Variants in ARID5B observed in about 807,000 individuals in gnomAD.
ARID5B encodes AT-rich interactive domain-containing protein 5B.
ARID5B carries 13 observed loss-of-function variants against 97.2 expected under a neutral mutation model. The ratio of observed to expected loss-of-function variants is 0.13; its 90% confidence interval spans 0.09 to 0.21. The LOEUF (loss-of-function observed/expected upper bound fraction) is 0.21. Ranked by LOEUF, ARID5B falls within the 10% of genes least tolerant of loss-of-function variation. The pLI is 1.00. For missense variants in ARID5B, 1,210 were observed against 1,465.3 expected (o/e 0.83, Z 2.84); for synonymous variants, 556 against 570.3 (o/e 0.97, Z 0.36).
At chr10:61,943,257 C>T (rs1201883829) in intron 3 of ARID5B, among the ~76,000 whole-genome samples, 1 of 152,148 alleles carries the variant, frequency 6.6e-6, no homozygotes, top group Admixed American at 6.5e-5. Flanking sequence ...TCTCTTCAGC[C>T]TCTTCTATAA....
At position 62,092,710 on chromosome 10, in the gene ARID5B, T is replaced by G. The variant is rs1285964900; in HGVS notation, c.3247T>G (p.Ser1083Ala). 6.2e-7 allele frequency: 1 copy of G among 1,614,100 alleles called. No homozygotes were observed. The highest frequency in any genetic ancestry group is 1.1e-5 in the South Asian group (1 of 91,076). The change falls in exon 10 of 10, where the codon TCC becomes GCC. Residue 1083 changes from serine to alanine, a missense_variant. By Grantham distance (99) the Ser-to-Ala change is moderately conservative. Transcript: ENST00000279873. ...LSSPIFPGLY[S>A]GSLCNSGLNS... ...CTCCCCTATCTTCCCAGGTCTGTATTCCGGGAGCCTGTGTAACTCGGGCCT... is the reference window on the plus strand; with the variant it reads ...CTCCCCTATCTTCCCAGGTCTGTATGCCGGGAGCCTGTGTAACTCGGGCCT...
intron 7 of ARID5B, among the ~76,000 whole-genome samples, chr10:62,066,836 T>G (rs187949882): frequency 2.8e-4 from 43 of 152,320 alleles, no homozygotes; most frequent in Admixed American, 9.8e-4. Flanking sequence ...GCTCATCAGT[T>G]TTCACAATTT....
At position 62,027,285 on chromosome 10, in the gene ARID5B, C is replaced by CT. The variant is rs777291593; in HGVS notation, c.734-23562dup. Among the ~76,000 whole-genome samples, 35 of 67,406 alleles carry CT rather than the reference C, an allele frequency of 5.2e-4. 3 individuals are homozygous for CT. Among genetic ancestry groups the CT allele is most frequent in the African/African-American group, 6.9e-4 (12 of 17,408 alleles). 44.2% of individuals were successfully genotyped at this position (67,406 alleles called of 152,430 possible). On this transcript the variant is annotated intron_variant, in intron 4 of 9. Coordinates refer to ENST00000279873, the MANE Select transcript of ARID5B (RefSeq NM_032199.3). ...TGATGCATTAGCCTCACAGTATCTC[C>CT]TTTTTTTTTTTTTTTTTTTTTTTTT...
intron 4 of ARID5B, among the ~76,000 whole-genome samples, chr10:62,034,865 G>T (rs988678432): frequency 6.6e-6 from 1 of 152,130 alleles, no homozygotes; most frequent in Non-Finnish European, 1.5e-5. Context: ...CAGAGATGGG[G>T]TTCCTTAAAA....
intron 3 of ARID5B, among the ~76,000 whole-genome samples, chr10:61,958,377 C>T (rs576535366): frequency 4.6e-5 from 7 of 152,030 alleles, no homozygotes; most frequent in East Asian, 1.9e-4. Context: ...TACAGGTGCC[C>T]GCCACCGCGC....
At chr10:62,050,781 A>C (rs1370072032) in intron 4 of ARID5B, 107 bp from the exon 5 acceptor site, 1 of 942,292 alleles carries the variant, frequency 1.1e-6, no homozygotes, top group Non-Finnish European at 1.6e-6. Context: ...AGATCTGTAC[A>C]TTTCTCTGAA....
At chr10:61,951,494 G>C (rs540533554) in intron 3 of ARID5B, among the ~76,000 whole-genome samples, 45 of 152,150 alleles carry the variant, frequency 3.0e-4, no homozygotes, top group Non-Finnish European at 6.2e-4. Context: ...TAGGATCCCT[G>C]TTTCTTTGCA....
In ARID5B at chr10:62,015,421, C is replaced by T. The variant is rs187185055; in HGVS notation, c.733+15100C>T. 6.3e-4 allele frequency among the ~76,000 whole-genome samples: 96 copies of T among 152,284 alleles called. 1 individual carries two copies. The highest frequency in any genetic ancestry group is 2.8e-3 in the Admixed American group (43 of 15,298). ...CTTAAGCTGCAAAGCAGTGCTCTTACGGGTTGTGTTGTGCTTCTTTTCAGT... is the reference window on the plus strand; with the variant it reads ...CTTAAGCTGCAAAGCAGTGCTCTTATGGGTTGTGTTGTGCTTCTTTTCAGT... On this transcript the variant is annotated intron_variant, in intron 4 of 9. Coordinates refer to ENST00000279873, the MANE Select transcript of ARID5B (RefSeq NM_032199.3).
At chr10:61,945,113 A>G (rs192811987) in intron 3 of ARID5B, among the ~76,000 whole-genome samples, 2 of 152,176 alleles carry the variant, frequency 1.3e-5, no homozygotes, top group African/African-American at 4.8e-5. Context: ...TTGGCTCTAC[A>G]TGTAGATCTG....
Position 62,057,254 on chromosome 10 carries a change from T to G in ARID5B, c.984T>G (p.Leu328=). Residue 328 remains leucine, a synonymous_variant, in exon 6 of 10, where the codon CTT becomes CTG. Coordinates refer to ENST00000279873, the MANE Select transcript of ARID5B (RefSeq NM_032199.3). ...ATGAACAAGCCTTCTTGGTGGCACT[T>G]TATAAATACATGAAAGAAAGGAAAA... The part of the protein sequence containing the change: ...RADEQAFLVA[L]YKYMKERKTP... The G allele has an allele frequency of 6.2e-7, 1 of 1,613,880 alleles. No individual in the cohort carries two copies. The highest frequency in any genetic ancestry group is 8.5e-7 in the Non-Finnish European group (1 of 1,179,804).
chr10:61,991,875 C>CA (rs1455898102), intron 3 of ARID5B, among the ~76,000 whole-genome samples: 1 of 151,890 alleles, frequency 6.6e-6, no homozygotes, highest in African/African-American at 2.4e-5. Context: ...ACTAAAAATA[C>CA]AAAAAAATTA....
At chr10:62,016,331 C>G (rs1415298139) in intron 4 of ARID5B, among the ~76,000 whole-genome samples, 1 of 152,142 alleles carries the variant, frequency 6.6e-6, no homozygotes, top group Non-Finnish European at 1.5e-5. Flanking sequence ...TGATATAGAC[C>G]AATGAGGTTC....
chr10:61,912,126 G>T (rs552589693), intron 2 of ARID5B, among the ~76,000 whole-genome samples: 12 of 152,186 alleles, frequency 7.9e-5, no homozygotes, highest in Non-Finnish European at 1.3e-4. Flanking sequence ...ACAGATATTT[G>T]CTAATTAAAG....
intron 4 of ARID5B, among the ~76,000 whole-genome samples, chr10:62,047,200 T>C (rs929831056): frequency 3.3e-5 from 5 of 152,192 alleles, no homozygotes; most frequent in African/African-American, 1.2e-4. Context: ...GATCATGCCT[T>C]CCTCTTTGGC....
rs1312094697 is a variant in ARID5B, at chr10:62,096,744, C to G, written c.*3714C>G. On this transcript the variant is annotated 3_prime_UTR_variant, in exon 10 of 10. Coordinates refer to ENST00000279873, the MANE Select transcript of ARID5B (RefSeq NM_032199.3). ...CCCAATGGAGAGGTTATTGAGTAACCTTTGCATTAGTTTAAACACTACCAG... is the reference window on the plus strand; with the variant it reads ...CCCAATGGAGAGGTTATTGAGTAACGTTTGCATTAGTTTAAACACTACCAG... The G allele has an allele frequency of 1.3e-5, 3 of 233,368 alleles. No homozygotes were observed. Among genetic ancestry groups the G allele is most frequent in the Non-Finnish European group, 2.5e-5 (3 of 117,976 alleles). The allele number at this position is 233,368 out of a possible 1,614,324, so 14.5% of individuals were successfully genotyped here.
Position 62,085,766 on chromosome 10 carries a change from C to A in ARID5B, c.1264C>A (p.Pro422Thr). 1 of 1,613,918 alleles carries A rather than the reference C, an allele frequency of 6.2e-7. No individual in the cohort carries two copies. Among genetic ancestry groups the A allele is most frequent in the Non-Finnish European group, 8.5e-7 (1 of 1,179,962 alleles). Residue 422 changes from proline (P) to threonine (T), a missense_variant, in exon 9 of 10, where the codon CCT becomes ACT. Around this residue, in one of 8 missense-constraint regions of ARID5B, gnomAD observed 59 missense variants for 156.7 expected, o/e 0.38. Coordinates refer to ENST00000279873, the MANE Select transcript of ARID5B (RefSeq NM_032199.3). ...AGATAAGCCCCTGCCTCCAATCAAA[C>A]CTCGGAAACAGGAGAACAGTTCACA... ...EEDKPLPPIK[P>T]RKQENSSQEN...
At position 61,902,317 on chromosome 10, in the gene ARID5B, G is replaced by A. The variant is rs1359082525; in HGVS notation, c.180G>A (p.Leu60=). 2 of 1,614,032 alleles carry A rather than the reference G, an allele frequency of 1.2e-6. No homozygotes were observed. The highest frequency in any genetic ancestry group is 1.3e-5 in the African/African-American group (1 of 74,912). Residue 60 remains leucine (L), a synonymous_variant, in exon 2 of 10, where the codon TTG becomes TTA. Coordinates refer to ENST00000279873, the MANE Select transcript of ARID5B (RefSeq NM_032199.3). ...TTTGCATAGCGGAGCTCCAGCTGTTGTGGGAAGAGAGGACCAGCCGGCAAC... is the reference window on the plus strand; with the variant it reads ...TTTGCATAGCGGAGCTCCAGCTGTTATGGGAAGAGAGGACCAGCCGGCAAC... ...DPICIAELQL[L]WEERTSRQLL...
rs1484432718 is a variant in ARID5B, at chr10:61,934,961, C to T, written c.277-5222C>T. ...CCCGGAGGCGGAGGTTGCAGTGAGC[C>T]GAGATTGCACCATTGCACTCCAGCC... On this transcript the variant is annotated intron_variant, in intron 2 of 9. Transcript: ENST00000279873. 2.7e-5 allele frequency among the ~76,000 whole-genome samples: 4 copies of T among 150,124 alleles called. No individual in the cohort carries two copies. The East Asian group carries it at 5.8e-4, about 22-fold the overall frequency.
chr10:61,904,381 T>C (rs910730911), intron 2 of ARID5B, among the ~76,000 whole-genome samples: 1 of 152,318 alleles, frequency 6.6e-6, no homozygotes, highest in African/African-American at 2.4e-5. Flanking sequence ...GAATTCTGAT[T>C]TAAGAATAAA....
Sources: gnomAD v4.1 joint callset for allele counts (sites outside exome capture counted in the v4.1 genomes callset) on GRCh38, gnomAD v4.1.1 for gene constraint, gnomAD v4.1.1 regional missense constraint, MANE v1.5 for transcripts, NCBI Gene and HGNC (gene_info 2026-07-23, HGNC 2026-07-21) for gene names.